GLT8D1: variants seen among roughly 807,000 people sequenced by gnomAD.
GLT8D1 encodes the protein glycosyltransferase 8 domain-containing protein 1.
A neutral mutation model predicts 46.2 loss-of-function variants in GLT8D1; 41 were observed. The ratio of observed to expected loss-of-function variants is 0.89; its 90% CI spans 0.69 to 1.15. The LOEUF (loss-of-function observed/expected upper bound fraction) is 1.15. GLT8D1 is among the 50% of genes most tolerant of loss of function. The pLI, the probability that GLT8D1 is intolerant of heterozygous loss-of-function variation, is 0.00. For missense variants in GLT8D1, 408 were observed against 449.3 expected, an observed-to-expected ratio of 0.91 and a Z score of 0.83; for synonymous variants, 150 against 154.2, an observed-to-expected ratio of 0.97 and a Z score of 0.20.
chr3:52,700,276 C>G lies in GLT8D1; in HGVS notation c.101G>C (p.Arg34Thr). 1 of 1,611,646 alleles carries G rather than the reference C, an allele frequency of 6.2e-7. No homozygotes were observed. The highest frequency in any genetic ancestry group is 8.5e-7 in the Non-Finnish European group (1 of 1,177,992). Residue 34 changes from arginine (R) to threonine (T), a missense_variant, in exon 3 of 10, where the codon AGG (arginine) becomes ACG (threonine). Coordinates refer to ENST00000266014, the MANE Select transcript of GLT8D1 (RefSeq NM_018446.4). ...HNFLSLSSLL[R>T]NEVTDSGIVG... ...TGCTCGCATACCTGTAACCTCATTCCTTAACAAACTGCTCAAGCTGAGGAA... is the reference window on the plus strand; with the variant it reads ...TGCTCGCATACCTGTAACCTCATTCGTTAACAAACTGCTCAAGCTGAGGAA...
chr3:52,695,665 G>A (rs2097332529), intron 7 of GLT8D1, 78 bp from the exon 8 acceptor site: 2 of 841,140 alleles, frequency 2.4e-6, no homozygotes, highest in African/African-American at 1.7e-5. Flanking sequence ...AGAGAGAAGA[G>A]CTGTTAAACT....
At chr3:52,699,738 G>A (rs184792460) in intron 3 of GLT8D1, among the ~76,000 whole-genome samples, 36 of 152,260 alleles carry the variant, frequency 2.4e-4, no homozygotes, top group Non-Finnish European at 4.4e-4. Flanking sequence ...AGAGCACTCC[G>A]TGAAAGTCAG....
At chr3:52,704,618 CCTT>C (rs1168060452) in intron 1 of GLT8D1, 1 of 152,188 alleles carries the variant, frequency 6.6e-6, no homozygotes, top group Non-Finnish European at 1.5e-5. Flanking sequence ...CGTCCTGAGT[CCTT>C]CTGAGGTCAG....
At position 52,705,704 on chromosome 3, in the gene GLT8D1, C is replaced by G. The variant is rs1178350208; in HGVS notation, c.-294G>C. 2.0e-6 allele frequency: 1 copy of G among 505,226 alleles called. No individual in the cohort carries two copies. Among genetic ancestry groups the G allele is most frequent in the South Asian group, 5.3e-5 (1 of 18,712 alleles). The allele number at this position is 505,226 out of a possible 1,614,324, so 31.3% of individuals were successfully genotyped here. A position where few individuals can be genotyped will look rare whatever the true frequency, so the allele number is the denominator to read the frequency against. On this transcript the variant is annotated 5_prime_UTR_variant, in exon 1 of 10. Coordinates refer to ENST00000266014, the MANE Select transcript of GLT8D1 (RefSeq NM_018446.4). ...GCACGCTGGGCCGAGCACACTTGCCCTCTAGCTCCGTGGCAGCCGCGCAGC... is the reference window on the plus strand; with the variant it reads ...GCACGCTGGGCCGAGCACACTTGCCGTCTAGCTCCGTGGCAGCCGCGCAGC...
chr3:52,697,623 T>C, intron 4 of GLT8D1, 98 bp downstream of exon 4: 1 of 835,346 alleles, frequency 1.2e-6, no homozygotes, highest in South Asian at 1.4e-5. Flanking sequence ...TTCAATTGTA[T>C]AAAACAACAT....
At position 52,696,216 on chromosome 3, in the gene GLT8D1, T is replaced by A. The variant is rs72960225; in HGVS notation, c.532+18A>T. ...CAATCTGGGTGGAGAACAGCACTCA[T>A]GGTGACATTTTTGATACCTTGCACA... On this transcript the variant is annotated intron_variant, in intron 6 of 9. Transcript: ENST00000266014. 31 of 1,524,454 alleles carry A rather than the reference T, an allele frequency of 2.0e-5. No homozygotes were observed. The African/African-American group carries it at 3.6e-4, about 17-fold the overall frequency. 94.4% of individuals were successfully genotyped at this position (1,524,454 alleles called of 1,614,324 possible).
chr3:52,704,540 C>G (rs2097342243), intron 1 of GLT8D1, among the ~76,000 whole-genome samples: 1 of 150,616 alleles, frequency 6.6e-6, no homozygotes, highest in South Asian at 2.1e-4. Flanking sequence ...TCAAACACAC[C>G]AAGAAATACA....
rs1175268506 is a variant in GLT8D1, at chr3:52,695,896, G to T, written c.645+32C>A. On this transcript the variant is annotated intron_variant, in intron 7 of 9. Coordinates refer to ENST00000266014, the MANE Select transcript of GLT8D1 (RefSeq NM_018446.4). ...CAACCTCTTCCCATTAAACAATATT[G>T]TAGGAAGAGGGGTGTTTGGTAAGCA... 89 of 1,219,940 alleles carry T rather than the reference G, an allele frequency of 7.3e-5. No individual in the cohort carries two copies. In the Admixed American group the frequency reaches 1.5e-3, roughly 20 times the overall value. The allele number at this position is 1,219,940 out of a possible 1,614,324, so 75.6% of individuals were successfully genotyped here.
intron 4 of GLT8D1, 74 bp from the exon 5 acceptor site, chr3:52,696,733 AC>A (rs1200054017): frequency 1.2e-6 from 1 of 806,724 alleles, no homozygotes; most frequent in Non-Finnish European, 2.1e-6. Flanking sequence ...TGCAAAAGAA[AC>A]CCTATGGACC....
At chr3:52,700,398 A>T in intron 2 of GLT8D1, 38 bp from the exon 3 acceptor site, 1 of 1,594,968 alleles carries the variant, frequency 6.3e-7, no homozygotes, top group South Asian at 1.1e-5. Flanking sequence ...ATACCTCTTT[A>T]TCTTTGACCA....
At position 52,697,716 on chromosome 3, in the gene GLT8D1, C is replaced by T; in HGVS notation, c.329+5G>A. The T allele has an allele frequency of 6.3e-7, 1 of 1,587,534 alleles. No individual in the cohort carries two copies. On this transcript the variant is annotated splice_donor_5th_base_variant and intron_variant, in intron 4 of 9. Transcript: ENST00000266014. ...TAGAAGCAGAATCACATAAGCAGAG[C>T]TCACCGGAGATGGTCTGCTGTATTG...
rs754869681 is a variant in GLT8D1, at chr3:52,697,811, G to GC, written c.238dup (p.Ala80GlyfsTer37). ...CTGAATGCTGTTTATAGCTGCAATG[G>GC]CCCCCCCAAGCCTGTCTTCAGATGC... is the stretch of plus-strand genomic sequence containing the variant. On this transcript the variant is annotated frameshift_variant, in exon 4 of 10. Transcript: ENST00000266014. LOFTEE classifies it high-confidence loss of function. 16 of 1,612,702 alleles carry GC rather than the reference G, an allele frequency of 9.9e-6. No homozygotes were observed. The highest frequency in any genetic ancestry group is 2.2e-5 in the South Asian group (2 of 91,064).
rs780913764 is a variant in GLT8D1 at position 52,695,579 on chromosome 3, G to A, written c.654C>T (p.Tyr218=). The A allele has an allele frequency of 9.6e-5, 152 of 1,590,362 alleles. No individual in the cohort carries two copies. Among genetic ancestry groups the A allele is most frequent in the Non-Finnish European group, 9.3e-5 (108 of 1,159,224 alleles). ...VIRGAGNQYN[Y]IGYLDYKKER... ...CCTTTTTATAGTCAAGATAGCCAAT[G>A]TAATTGTACTAAAAACACAAATAGG... Residue 218 remains tyrosine, a synonymous_variant, in exon 8 of 10, where the codon TAC becomes TAT. Coordinates refer to ENST00000266014, the MANE Select transcript of GLT8D1 (RefSeq NM_018446.4).
In GLT8D1 at chr3:52,700,272, A is replaced by G; in HGVS notation, c.105T>C (p.Asn35=). 1.2e-6 allele frequency: 2 copies of G among 1,609,664 alleles called. No individual in the cohort carries two copies. The highest frequency in any genetic ancestry group is 8.5e-7 in the Non-Finnish European group (1 of 1,176,254). The change falls in exon 3 of 10, where the codon AAT becomes AAC. Residue 35 remains asparagine (N), a synonymous_variant. Transcript: ENST00000266014. ...TAAGTGCTCGCATACCTGTAACCTC[A>G]TTCCTTAACAAACTGCTCAAGCTGA... ...NFLSLSSLLR[N]EVTDSGIVGP...
At chr3:52,695,129 G>T in intron 9 of GLT8D1, 61 bp downstream of exon 9, 1 of 1,441,492 alleles carries the variant, frequency 6.9e-7, no homozygotes, top group Non-Finnish European at 9.8e-7. Context: ...CCCCATCCCT[G>T]AGGATAGTTC....
At chr3:52,699,578 A>T (rs1263292690) in intron 3 of GLT8D1, among the ~76,000 whole-genome samples, 1 of 152,160 alleles carries the variant, frequency 6.6e-6, no homozygotes, top group Non-Finnish European at 1.5e-5. Context: ...TGACCTTGTG[A>T]GACGCCCACC....
chr3:52,696,602 G>T lies in GLT8D1; in HGVS notation c.387C>A (p.Asp129Glu). The part of the protein sequence containing the change: ...KSIRYKIVNF[D>E]PKLLEGKVKE... The stretch of plus-strand genomic sequence containing the variant: ...TTACTTTTCCTTCCAAAAGTTTAGG[G>T]TCAAAATTGACAATTTTGTATCTGA... The change falls in exon 5 of 10, where the codon GAC (aspartate) becomes GAA (glutamate). Residue 129 changes from aspartate to glutamate, a missense_variant. Asp to Glu is a conservative substitution (Grantham distance 45). Coordinates refer to ENST00000266014, the MANE Select transcript of GLT8D1 (RefSeq NM_018446.4). 6.2e-7 allele frequency: 1 copy of T among 1,612,206 alleles called. No homozygotes were observed.
intron 1 of GLT8D1, among the ~76,000 whole-genome samples, chr3:52,704,213 C>T (rs2097341735): frequency 6.6e-6 from 1 of 151,424 alleles, no homozygotes; most frequent in Admixed American, 6.6e-5. Context: ...AATCCCAGCA[C>T]TTTGGAAGGC....
Position 52,695,467 on chromosome 3 carries a change from G to A in GLT8D1, c.766C>T (p.Gln256Ter), listed in dbSNP as rs1358212030. The change falls in exon 8 of 10, where the codon CAG becomes TAG. Residue 256 changes from glutamine (Q) to a stop codon, truncating the protein, a stop_gained. Coordinates refer to ENST00000266014, the MANE Select transcript of GLT8D1 (RefSeq NM_018446.4). LOFTEE classifies it high-confidence loss of function. The part of the protein sequence containing the change: ...FVANLTEWKR[Q>*]NITNQLEKWM... Reference sequence around the variant, plus strand: ...TTTTCCAGTTGGTTAGTTATATTCTGTCGTTTCCATTCCGTCAGGTTTGCA... The same window carrying A: ...TTTTCCAGTTGGTTAGTTATATTCTATCGTTTCCATTCCGTCAGGTTTGCA... 6.2e-7 allele frequency: 1 copy of A among 1,613,756 alleles called. No individual in the cohort carries two copies. The highest frequency in any genetic ancestry group is 8.5e-7 in the Non-Finnish European group (1 of 1,179,734).
Sources: gnomAD v4.1 joint callset for allele counts (sites outside exome capture counted in the v4.1 genomes callset) on GRCh38, gnomAD v4.1.1 for gene constraint, MANE v1.5 for transcripts, NCBI Gene and HGNC (gene_info 2026-07-23, HGNC 2026-07-21) for gene names.